Variants in BAZ2B observed in about 807,000 individuals in gnomAD.
BAZ2B encodes the protein bromodomain adjacent to zinc finger domain 2B, also known as bromodomain adjacent to zinc finger domain protein 2B.
Under a neutral mutation model 246.0 loss-of-function variants are expected in BAZ2B, and 91 were observed. That is an observed-to-expected ratio of 0.37 (90% CI 0.31 to 0.44). The LOEUF is 0.44. Among genes scored for constraint, BAZ2B ranks in the 20% least tolerant of loss-of-function variants. The pLI, the probability that BAZ2B is intolerant of heterozygous loss-of-function variation, is 1.00. For synonymous variants in BAZ2B, 855 were observed against 860.0 expected, an observed-to-expected ratio of 0.99 and a Z score of 0.10; for missense variants, 2,332 against 2,533.7, an observed-to-expected ratio of 0.92 and a Z score of 1.71.
intron 20 of BAZ2B, among the ~76,000 whole-genome samples, chr2:159,390,113 A>G (rs1386099360): frequency 6.6e-6 from 1 of 152,070 alleles, no homozygotes; most frequent in African/African-American, 2.4e-5. Context: ...TCATATCTCA[A>G]ATATAGCTCT....
chr2:159,395,742 A>G, intron 20 of BAZ2B, 27 bp downstream of exon 20: 1 of 1,555,886 alleles, frequency 6.4e-7, no homozygotes. Flanking sequence ...TTTATAAGGT[A>G]ATATTTTTCT....
At chr2:159,318,791 C>T (rs2062378696), downstream of BAZ2B, among the ~76,000 whole-genome samples, 1 of 151,858 alleles carries the variant, frequency 6.6e-6, no homozygotes, top group South Asian at 2.1e-4. Context: ...GTTCGCAGAC[C>T]AGAGAGGTTT....
At chr2:159,440,389 T>C (rs2073150764) in intron 6 of BAZ2B, among the ~76,000 whole-genome samples, 1 of 152,170 alleles carries the variant, frequency 6.6e-6, no homozygotes, top group African/African-American at 2.4e-5. Context: ...GAGAGCCAAA[T>C]TGAAGCCACG....
At chr2:159,502,693 A>T (rs62173243) in intron 2 of BAZ2B, among the ~76,000 whole-genome samples, 79,177 of 151,890 alleles carry the variant, frequency 0.52, 21,082 homozygotes, top group Non-Finnish European at 0.58. Flanking sequence ...ATTTGACTTA[A>T]TGAATTCTCT....
At chr2:159,437,927 A>T in intron 8 of BAZ2B, 2 of 165,544 alleles carry the variant, frequency 1.2e-5, no homozygotes, top group Non-Finnish European at 2.6e-5. Flanking sequence ...AAAAAAAAAA[A>T]ATAAAAAAAA....
chr2:159,349,017 A>C lies in BAZ2B; in HGVS notation c.5127T>G (p.Pro1709=). 2 of 1,613,926 alleles carry C rather than the reference A, an allele frequency of 1.2e-6. No individual in the cohort carries two copies. Among genetic ancestry groups the C allele is most frequent in the Non-Finnish European group, 1.7e-6 (2 of 1,179,848 alleles). ...TCTCAATGTACCTACCTTCTGGAATAGGTTTTGGACTAGGAAAATCTACTG... is the reference window on the plus strand; with the variant it reads ...TCTCAATGTACCTACCTTCTGGAATCGGTTTTGGACTAGGAAAATCTACTG... The part of the protein sequence containing the change: ...AKPVDFPSPK[P]IPEEMQFGWW... Residue 1709 remains proline (P), a synonymous_variant, in exon 29 of 37, where the codon CCT becomes CCG. Transcript: ENST00000392783.
intron 1 of BAZ2B, among the ~76,000 whole-genome samples, chr2:159,559,596 A>G (rs551994172): frequency 6.6e-6 from 1 of 152,232 alleles, no homozygotes; most frequent in South Asian, 2.1e-4. Context: ...TAAAGCTCAT[A>G]GGATAAAAAA....
At chr2:159,471,446 A>T (rs926661376) in intron 3 of BAZ2B, among the ~76,000 whole-genome samples, 18 of 152,228 alleles carry the variant, frequency 1.2e-4, no homozygotes, top group Middle Eastern at 3.4e-3. Context: ...AAAAAATTTT[A>T]AAAATTAGCT....
Position 159,478,137 on chromosome 2 carries a change from C to T in BAZ2B, c.145+438G>A, listed in dbSNP as rs1247344842. The stretch of plus-strand genomic sequence containing the variant: ...TCATGTTTAAGAAACTTGTTATGCT[C>T]TAAACTTTAAAAATATTTTCCATCA... On this transcript the variant is annotated intron_variant, in intron 3 of 36. Coordinates refer to ENST00000392783, the MANE Select transcript of BAZ2B (RefSeq NM_013450.4). Among the ~76,000 whole-genome samples, 2 of 152,088 alleles carry T rather than the reference C, an allele frequency of 1.3e-5. 1 individual carries two copies. The highest frequency in any genetic ancestry group is 2.9e-5 in the Non-Finnish European group (2 of 68,020).
intron 31 of BAZ2B, among the ~76,000 whole-genome samples, chr2:159,338,970 A>C (rs1341297809): frequency 2.6e-5 from 4 of 152,166 alleles, no homozygotes; most frequent in Admixed American, 2.0e-4. Context: ...GGTAGGAACG[A>C]CACTTTATCC....
At chr2:159,530,844 C>T (rs1026583464) in intron 2 of BAZ2B, among the ~76,000 whole-genome samples, 1 of 152,048 alleles carries the variant, frequency 6.6e-6, no homozygotes, top group Admixed American at 6.6e-5. Context: ...GTGCCGCATG[C>T]CTGTAATCCC....
At chr2:159,331,219 A>G (rs967780785) in intron 34 of BAZ2B, among the ~76,000 whole-genome samples, 1 of 152,218 alleles carries the variant, frequency 6.6e-6, no homozygotes, top group Non-Finnish European at 1.5e-5. Flanking sequence ...CCGGATGCAG[A>G]AGGACAGCAG....
chr2:159,535,941 T>C (rs762257011), intron 2 of BAZ2B, among the ~76,000 whole-genome samples: 1 of 152,228 alleles, frequency 6.6e-6, no homozygotes, highest in African/African-American at 2.4e-5. Flanking sequence ...GATTTGGTAA[T>C]TGGTCCCCAA....
At position 159,433,031 on chromosome 2, in the gene BAZ2B, TCTC is replaced by T. The variant is rs1559397436; in HGVS notation, c.1623_1625del (p.Arg543del). 1.9e-6 allele frequency: 3 copies of T among 1,614,170 alleles called. No individual in the cohort carries two copies. The highest frequency in any genetic ancestry group is 2.5e-6 in the Non-Finnish European group (3 of 1,180,016). On this transcript the variant is annotated inframe_deletion, in exon 9 of 37. Coordinates refer to ENST00000392783, the MANE Select transcript of BAZ2B (RefSeq NM_013450.4). ...CAGGTGTCTGATTGCCAGGGGTTCT[TCTC>T]CCACTTGTACTCAGATTTACAGGTG...
the BAZ2B span, among the ~76,000 whole-genome samples, chr2:159,648,065 G>A: frequency 2.6e-5 from 4 of 152,044 alleles, no homozygotes; most frequent in African/African-American, 9.7e-5. Context: ...CCTTAACATA[G>A]TAAAGATTAT....
the BAZ2B span, among the ~76,000 whole-genome samples, chr2:159,688,198 C>A: frequency 7.2e-6 from 1 of 138,020 alleles, no homozygotes; most frequent in African/African-American, 2.4e-5. Context: ...TGCCACCACA[C>A]CCAGCTAGTT....
chr2:159,572,780 C>G (rs1210349502), intron 1 of BAZ2B, among the ~76,000 whole-genome samples: 1 of 152,100 alleles, frequency 6.6e-6, no homozygotes, highest in African/African-American at 2.4e-5. Context: ...TTTAAAAACA[C>G]TTAAGCCAAC....
chr2:159,523,434 A>G (rs898135205), intron 2 of BAZ2B, among the ~76,000 whole-genome samples: 17 of 151,792 alleles, frequency 1.1e-4, no homozygotes, highest in African/African-American at 4.1e-4. Context: ...GGCTGGGCGC[A>G]GTGGCTCACG....
At chr2:159,704,969 T>C in the BAZ2B span, among the ~76,000 whole-genome samples, 1 of 151,854 alleles carries the variant, frequency 6.6e-6, no homozygotes, top group Non-Finnish European at 1.5e-5. Flanking sequence ...CCCAAAGTGA[T>C]GGGATTACGA....
Sources: gnomAD v4.1 joint callset for allele counts (sites outside exome capture counted in the v4.1 genomes callset) on GRCh38, gnomAD v4.1.1 for gene constraint, MANE v1.5 for transcripts, NCBI Gene and HGNC (gene_info 2026-07-23, HGNC 2026-07-21) for gene names.